HDAC9: variants seen among roughly 807,000 people sequenced by gnomAD.
The protein encoded by HDAC9 is MEF-2 interacting transcription repressor (MITR) protein.
Under a neutral mutation model 139.4 loss-of-function variants are expected in HDAC9, and 41 were observed. The observed-to-expected ratio is 0.29, with a 90% CI of 0.23 to 0.38. The LOEUF is 0.38. HDAC9 is among the 10% of genes least tolerant of loss of function. HDAC9 has a pLI of 1.00. For synonymous variants in HDAC9, 517 were observed against 476.2 expected (o/e 1.09, Z -1.12); for missense variants, 1,147 against 1,297.0 (o/e 0.88, Z 1.78).
chr7:18,438,081 TATA>T (rs1791384384), intron 1 of HDAC9, among the ~76,000 whole-genome samples: 1 of 150,376 alleles, frequency 6.6e-6, no homozygotes, highest in Non-Finnish European at 1.5e-5. Flanking sequence ...AGTTTATATA[TATA>T]ATAAATTTAT....
chr7:18,714,803 T>C (rs897387487), intron 12 of HDAC9, among the ~76,000 whole-genome samples: 5 of 152,224 alleles, frequency 3.3e-5, no homozygotes, highest in African/African-American at 1.2e-4. Flanking sequence ...CCTCACCAGA[T>C]TGTAAATTCA....
chr7:18,908,811 T>A (rs755067638), intron 22 of HDAC9, among the ~76,000 whole-genome samples: 1 of 152,160 alleles, frequency 6.6e-6, no homozygotes, highest in Non-Finnish European at 1.5e-5. Context: ...CATCCATTAA[T>A]GGACACATAG....
chr7:18,546,954 G>T (rs1815060803), intron 2 of HDAC9, among the ~76,000 whole-genome samples: 1 of 152,164 alleles, frequency 6.6e-6, no homozygotes, highest in Admixed American at 6.5e-5. Context: ...AAATATTTTT[G>T]CTAGAGCAGC....
intron 12 of HDAC9, among the ~76,000 whole-genome samples, chr7:18,711,612 A>G (rs554439374): frequency 6.6e-6 from 1 of 152,052 alleles, no homozygotes; most frequent in South Asian, 2.1e-4. Context: ...ACCCCTGCCC[A>G]CACTTGGGGT....
At chr7:18,704,020 G>A (rs1178458161) in intron 12 of HDAC9, among the ~76,000 whole-genome samples, 6 of 152,152 alleles carry the variant, frequency 3.9e-5, no homozygotes, top group African/African-American at 1.4e-4. Flanking sequence ...GAGGAGGGTG[G>A]CTTGGAGAAA....
Position 18,253,932 on chromosome 7 carries a change from C to G in HDAC9, c.25+91583C>G, listed in dbSNP as rs541804690. On this transcript the variant is annotated intron_variant, in intron 2 of 12. Coordinates refer to the HDAC9 transcript ENST00000417496. ...GCCAAAATTTAATCATGTCATTCCACTTAACTTAAAGGAGCCTGGGAAATG... is the reference window on the plus strand; with the variant it reads ...GCCAAAATTTAATCATGTCATTCCAGTTAACTTAAAGGAGCCTGGGAAATG... 2.0e-5 allele frequency among the ~76,000 whole-genome samples: 3 copies of G among 152,310 alleles called. No homozygotes were observed. In the South Asian group the frequency reaches 6.2e-4, roughly 32 times the overall value.
At chr7:18,978,869 T>C (rs1784718210) in intron 25 of HDAC9, among the ~76,000 whole-genome samples, 1 of 152,200 alleles carries the variant, frequency 6.6e-6, no homozygotes, top group Non-Finnish European at 1.5e-5. Flanking sequence ...CAATCAAGAC[T>C]TCAAGATGAT....
intron 1 of HDAC9, among the ~76,000 whole-genome samples, chr7:18,139,282 C>G (rs1037873007): frequency 6.6e-6 from 1 of 151,824 alleles, no homozygotes; most frequent in Non-Finnish European, 1.5e-5. Flanking sequence ...TGTGTCACCA[C>G]GACTGGCTAA....
chr7:18,549,711 C>A (rs1816451024), intron 2 of HDAC9, among the ~76,000 whole-genome samples: 1 of 150,892 alleles, frequency 6.6e-6, no homozygotes, highest in South Asian at 2.1e-4. Context: ...TGCAACTCTC[C>A]AAGAATCTAT....
At chr7:18,710,305 G>C (rs1308967433) in intron 12 of HDAC9, among the ~76,000 whole-genome samples, 1 of 152,046 alleles carries the variant, frequency 6.6e-6, no homozygotes, top group African/African-American at 2.4e-5. Flanking sequence ...TATCAGTCAG[G>C]GAAGAAGGAT....
At chr7:18,768,762 T>C (rs1186477244) in intron 16 of HDAC9, among the ~76,000 whole-genome samples, 1 of 152,156 alleles carries the variant, frequency 6.6e-6, no homozygotes, top group Non-Finnish European at 1.5e-5. Flanking sequence ...TTTAGAAATA[T>C]AGATGATCCC....
At chr7:18,945,086 TG>T (rs781703607) in intron 23 of HDAC9, among the ~76,000 whole-genome samples, 3 of 152,352 alleles carry the variant, frequency 2.0e-5, no homozygotes, top group Non-Finnish European at 4.4e-5. Context: ...TGCTGAATCC[TG>T]AAATATGCAT....
intron 1 of HDAC9, among the ~76,000 whole-genome samples, chr7:18,421,888 G>C (rs969801088): frequency 4.6e-5 from 7 of 152,166 alleles, no homozygotes; most frequent in African/African-American, 1.7e-4. Context: ...CTGAGCCCTG[G>C]ACTAATCCCA....
chr7:18,094,408 G>A (rs992540503), intron 1 of HDAC9, among the ~76,000 whole-genome samples: 5 of 151,346 alleles, frequency 3.3e-5, no homozygotes, highest in Non-Finnish European at 7.4e-5. Flanking sequence ...TTCTTTCACA[G>A]CCTGGACCCA....
At chr7:18,300,484 A>C (rs939155099) in intron 1 of HDAC9, among the ~76,000 whole-genome samples, 1 of 152,310 alleles carries the variant, frequency 6.6e-6, no homozygotes, top group South Asian at 2.1e-4. Flanking sequence ...TAAGCCACTA[A>C]AAAATTTTGA....
intron 2 of HDAC9, among the ~76,000 whole-genome samples, chr7:18,521,916 A>G (rs1805180091): frequency 6.6e-6 from 1 of 152,204 alleles, no homozygotes; most frequent in South Asian, 2.1e-4. Flanking sequence ...CCTTAGTACG[A>G]TGTCTGGAAA....
intron 22 of HDAC9, among the ~76,000 whole-genome samples, chr7:18,932,541 T>A (rs981780944): frequency 6.6e-6 from 1 of 151,880 alleles, no homozygotes; most frequent in Non-Finnish European, 1.5e-5. Flanking sequence ...TCGGTCGGAG[T>A]TGGAACATTA....
At chr7:18,154,455 CT>C (rs764661852) in intron 1 of HDAC9, among the ~76,000 whole-genome samples, 22 of 152,166 alleles carry the variant, frequency 1.4e-4, no homozygotes, top group Non-Finnish European at 2.4e-4. Context: ...GAAATTTGGC[CT>C]GAAGTAAAAT....
In HDAC9 at chr7:18,831,485, A is replaced by G. The variant is rs1192833279; in HGVS notation, c.2466+1937A>G. ...CCTTTGATTATGTATTTGCTCCATT[A>G]TCCAATCAGAAAGGATACTGATTTC... On this transcript the variant is annotated intron_variant, in intron 19 of 25. Coordinates refer to ENST00000686413, the MANE Select transcript of HDAC9 (RefSeq NM_178425.4). 3.3e-5 allele frequency among the ~76,000 whole-genome samples: 5 copies of G among 152,284 alleles called. No individual in the cohort carries two copies. The East Asian group carries it at 9.7e-4, about 29-fold the overall frequency.
Sources: allele counts gnomAD v4.1 joint callset (sites outside exome capture counted in the v4.1 genomes callset), GRCh38; gene constraint gnomAD v4.1.1; transcripts MANE v1.5; gene names NCBI Gene and HGNC (gene_info 2026-07-23, HGNC 2026-07-21).